CTDP1: variants seen among roughly 807,000 people sequenced by gnomAD.
CTDP1 encodes CTD phosphatase 1, also known as RNA polymerase II subunit A C-terminal domain phosphatase.
Under a neutral mutation model 91.8 loss-of-function variants are expected in CTDP1, and 47 were observed. That is an observed-to-expected ratio of 0.51 (90% CI 0.41 to 0.65). CTDP1 has a LOEUF of 0.65. Ranked by LOEUF, CTDP1 falls within the 30% of genes least tolerant of loss-of-function variation. The pLI is 0.00. For synonymous variants in CTDP1, 656 were observed against 598.5 expected (o/e 1.10, Z -1.40); for missense variants, 1,272 against 1,373.7 (o/e 0.93, Z 1.17).
rs369284933 is a variant in CTDP1, at chr18:79,736,834, G to A, written c.2747+313G>A. Among the ~76,000 whole-genome samples, 256 of 150,220 alleles carry A rather than the reference G, an allele frequency of 1.7e-3. 2 individuals carry two copies. Among genetic ancestry groups the A allele is most frequent in the African/African-American group, 5.8e-3 (233 of 40,010 alleles). On this transcript the variant is annotated intron_variant, in intron 12 of 12. Transcript: ENST00000613122. The stretch of plus-strand genomic sequence containing the variant: ...GGTGGGGGTATGCACGTGTGCGCAG[G>A]CATGTGTGAGGTGTCTACAGGCGTG...
At chr18:79,716,706 C>T (rs192142133) in intron 8 of CTDP1, among the ~76,000 whole-genome samples, 2 of 152,380 alleles carry the variant, frequency 1.3e-5, no homozygotes, top group East Asian at 3.9e-4. Context: ...CCCGCCTGCC[C>T]TGTCCTGTGA....
chr18:79,678,823 C>G (rs556329601), upstream of CTDP1: 60 of 154,552 alleles, frequency 3.9e-4, no homozygotes, highest in African/African-American at 1.3e-3. Context: ...GCTGGGACCT[C>G]AGCCACCGCG....
intron 1 of CTDP1, among the ~76,000 whole-genome samples, chr18:79,690,730 G>T (rs2085602965): frequency 6.6e-6 from 1 of 152,226 alleles, no homozygotes; most frequent in South Asian, 2.1e-4. Context: ...CATCCTGCAT[G>T]CTGTGGGTTG....
chr18:79,703,663 G>C (rs551770403), intron 4 of CTDP1: 1 of 142,170 alleles, frequency 7.0e-6, no homozygotes, highest in East Asian at 2.2e-4. Context: ...TGGCCTTGCT[G>C]TGTAACACGT....
intron 4 of CTDP1, among the ~76,000 whole-genome samples, chr18:79,698,691 T>C (rs968856298): frequency 7.9e-5 from 12 of 152,124 alleles, no homozygotes; most frequent in African/African-American, 2.7e-4. Flanking sequence ...GTTTTTTAAG[T>C]GTTTGCTATT....
At chr18:79,707,936 C>G (rs901579399) in intron 5 of CTDP1, among the ~76,000 whole-genome samples, 1 of 152,240 alleles carries the variant, frequency 6.6e-6, no homozygotes, top group Non-Finnish European at 1.5e-5. Flanking sequence ...CGATGCGTGT[C>G]TTTTATCTGA....
chr18:79,724,492 A>G (rs1029038429), intron 10 of CTDP1, among the ~76,000 whole-genome samples: 7 of 152,110 alleles, frequency 4.6e-5, no homozygotes, highest in Admixed American at 3.9e-4. Context: ...AGCCATTCTG[A>G]TAGGTGTGTC....
intron 12 of CTDP1, among the ~76,000 whole-genome samples, chr18:79,742,795 T>C (rs1370345351): frequency 6.6e-6 from 1 of 152,040 alleles, no homozygotes; most frequent in Non-Finnish European, 1.5e-5. Context: ...CTGTCTCTAC[T>C]GAAAATACAA....
At chr18:79,727,597 G>A (rs1312738373) in intron 10 of CTDP1, among the ~76,000 whole-genome samples, 3 of 152,238 alleles carry the variant, frequency 2.0e-5, no homozygotes, top group African/African-American at 7.2e-5. Flanking sequence ...TCCAAACAGC[G>A]CAGATCAGCA....
At chr18:79,748,058 A>G (rs908097901) in intron 12 of CTDP1, among the ~76,000 whole-genome samples, 2 of 152,182 alleles carry the variant, frequency 1.3e-5, no homozygotes, top group Non-Finnish European at 2.9e-5. Context: ...ATTTTCCCCA[A>G]ATTCTATCTG....
At chr18:79,748,123 T>C (rs2122879661) in intron 12 of CTDP1, among the ~76,000 whole-genome samples, 1 of 152,372 alleles carries the variant, frequency 6.6e-6, no homozygotes, top group South Asian at 2.1e-4. Context: ...ATACAAATAT[T>C]GCATGTTATG....
chr18:79,705,426 G>A (rs1379248539), intron 5 of CTDP1, among the ~76,000 whole-genome samples: 2 of 152,176 alleles, frequency 1.3e-5, no homozygotes, highest in Non-Finnish European at 2.9e-5. Context: ...ACAGTGCCAC[G>A]GGACGGTGAC....
intron 11 of CTDP1, among the ~76,000 whole-genome samples, chr18:79,732,369 C>CGCTG (rs2086583904): frequency 7.7e-6 from 1 of 129,626 alleles, no homozygotes. Flanking sequence ...CATGAGAACT[C>CGCTG]ACATCAGGAG....
At chr18:79,680,718 TC>T (rs1425939025) in intron 1 of CTDP1, 1 of 153,358 alleles carries the variant, frequency 6.5e-6, no homozygotes, top group African/African-American at 2.4e-5. Context: ...CTGGTGCAGT[TC>T]TGTTTCGTGG....
chr18:79,709,721 C>T (rs2086041652), intron 5 of CTDP1, among the ~76,000 whole-genome samples: 1 of 152,184 alleles, frequency 6.6e-6, no homozygotes, highest in South Asian at 2.1e-4. Flanking sequence ...GGCAGGCTTC[C>T]TCGATGTTGC....
At chr18:79,744,866 A>G (rs1360157617) in intron 12 of CTDP1, among the ~76,000 whole-genome samples, 1 of 152,212 alleles carries the variant, frequency 6.6e-6, no homozygotes, top group African/African-American at 2.4e-5. Context: ...TCTTACAGGA[A>G]CGCAGGAGAC....
chr18:79,728,801 GGTGTGTGA>G (rs2086504371), intron 10 of CTDP1, 98 bp from the exon 11 acceptor site: 1 of 1,274,390 alleles, frequency 7.8e-7, no homozygotes, highest in Non-Finnish European at 1.1e-6. Context: ...TCCCTGTTGG[GGTGTGTGA>G]GTGTTTACCT....
At position 79,713,253 on chromosome 18, in the gene CTDP1, TTGTG is replaced by T; in HGVS notation, c.1030+117_1030+120del. ...TAAATTCAAGATACACTTTTTTTAT[TTGTG>T]TTTCAGTAGAGATTATTGGATTTAT... On this transcript the variant is annotated intron_variant, in intron 7 of 12. Transcript: ENST00000613122. This position sits in a 1 kb window ranked among gnomAD's most constrained non-coding sequence, Gnocchi z 4.7. The T allele has an allele frequency of 8.9e-7, 1 of 1,123,832 alleles. No individual in the cohort carries two copies. The highest frequency in any genetic ancestry group is 1.3e-6 in the Non-Finnish European group (1 of 768,452). The allele number at this position is 1,123,832 out of a possible 1,614,324, so 69.6% of individuals were successfully genotyped here. A position where few individuals can be genotyped will look rare whatever the true frequency, so the allele number is the denominator to read the frequency against.
At chr18:79,743,923 C>T (rs995801614) in intron 12 of CTDP1, among the ~76,000 whole-genome samples, 25 of 152,190 alleles carry the variant, frequency 1.6e-4, no homozygotes, top group African/African-American at 1.2e-4. Flanking sequence ...GCCTGCCTCC[C>T]GTTCTATCCA....
Sources: allele counts gnomAD v4.1 joint callset (sites outside exome capture counted in the v4.1 genomes callset), GRCh38; gene constraint gnomAD v4.1.1; non-coding constraint Gnocchi (gnomAD v3.1); transcripts MANE v1.5; gene names NCBI Gene and HGNC (gene_info 2026-07-23, HGNC 2026-07-21).